The following DMD variants were observed in gnomAD, a reference collection of about 807,000 sequenced individuals.
DMD encodes the protein dystrophin, also known as mutant dystrophin.
In DMD, 63 loss-of-function variants were observed where a neutral mutation model predicts 330.1. The observed-to-expected ratio is 0.19, with a 90% confidence interval of 0.16 to 0.24. The LOEUF (loss-of-function observed/expected upper bound fraction) is 0.24. DMD is among the 10% of genes least tolerant of loss of function. The pLI is 1.00. For missense variants in DMD, 3,344 were observed against 2,684.1 expected (o/e 1.25, Z -5.43); for synonymous variants, 1,223 against 959.8 (o/e 1.27, Z -5.07).
At chrX:32,695,750 A>G (rs959357909) in intron 9 of DMD, among the ~76,000 whole-genome samples, 22 of 112,012 alleles carry the variant, frequency 2.0e-4, no homozygotes, top group Non-Finnish European at 3.9e-4. Context: ...GATTGAAGCC[A>G]GGTTATTAAA....
chrX:32,464,839 A>G, intron 23 of DMD, 140 bp from the exon 24 acceptor site: 1 of 499,695 alleles, frequency 2.0e-6, no homozygotes, highest in Non-Finnish European at 3.6e-6. Context: ...TGAGGCAAAG[A>G]ATATTTTTAC....
Position 31,297,921 on chromosome X carries a change from C to T in DMD, c.9224+25677G>A, listed in dbSNP as rs757225992. On this transcript the variant is annotated intron_variant, in intron 62 of 78. Coordinates refer to ENST00000357033, the MANE Select transcript of DMD (RefSeq NM_004006.3). ...TCAATACCACAGAATCACTGGGTTA[C>T]AGCCCATTGGCTGAGTAGTTCAAGT... Among the ~76,000 whole-genome samples the T allele has an allele frequency of 6.2e-5, 7 of 112,415 alleles. No homozygotes were observed. In the South Asian group the frequency reaches 2.6e-3, roughly 42 times the overall value.
Position 31,368,545 on chromosome X carries a change from T to G in DMD, c.9085-19911A>C, listed in dbSNP as rs2059379724. Among the ~76,000 whole-genome samples, 3 of 112,056 alleles carry G rather than the reference T, an allele frequency of 2.7e-5. No homozygotes were observed. In the South Asian group the frequency reaches 1.1e-3, roughly 42 times the overall value. ...CTATATCCAGATTTGTTTTCTTCTG[T>G]ACACTTCTCAACAGTTCCAGAGAAT... On this transcript the variant is annotated intron_variant, in intron 60 of 78. Transcript: ENST00000357033.
At chrX:31,352,023 T>C (rs191287837) in intron 60 of DMD, among the ~76,000 whole-genome samples, 2 of 111,006 alleles carry the variant, frequency 1.8e-5, no homozygotes, top group East Asian at 2.8e-4. Flanking sequence ...TGCTCTTAAC[T>C]GCTATCCTGA....
At chrX:31,912,347 C>T (rs7877862) in intron 47 of DMD, among the ~76,000 whole-genome samples, 26,442 of 110,265 alleles carry the variant, frequency 0.24, 3,176 homozygotes, top group African/African-American at 0.46. Context: ...TTGAATGAAT[C>T]GGGCTAGGAA....
chrX:32,932,771 A>G (rs16990767), intron 2 of DMD, among the ~76,000 whole-genome samples: 1,683 of 111,656 alleles, frequency 0.015, 35 homozygotes, highest in African/African-American at 0.052. Context: ...TCTGACTACC[A>G]GTTTCAGGGT....
rs192005246 is a variant in DMD, at chrX:32,520,982, G to A, written c.2169-2851C>T. Among the ~76,000 whole-genome samples, 206 of 110,022 alleles carry A rather than the reference G, an allele frequency of 1.9e-3. 1 individual carries two copies. The highest frequency in any genetic ancestry group is 6.6e-3 in the African/African-American group (198 of 30,174). Reference sequence around the variant, plus strand: ...TGTTCCCTACCTTACAGAAACAAGTGCAATTATCAGAGTAGAACTTCTTTC... The same window carrying A: ...TGTTCCCTACCTTACAGAAACAAGTACAATTATCAGAGTAGAACTTCTTTC... On this transcript the variant is annotated intron_variant, in intron 17 of 78. Transcript: ENST00000357033.
intron 44 of DMD, among the ~76,000 whole-genome samples, chrX:32,144,150 C>A (rs1173598116): frequency 5.4e-5 from 6 of 111,680 alleles, no homozygotes; most frequent in Non-Finnish European, 1.1e-4. Flanking sequence ...ATAGAAGATG[C>A]CGCAACTGAT....
rs1338853267 is a variant in DMD, at chrX:33,281,342, G to T, written c.7+57917C>A. On this transcript the variant is annotated intron_variant, in intron 1 of 17. Transcript: ENST00000288447. Reference sequence around the variant, plus strand: ...TCATGCCTCAGCCTCCTGAGTAGCTGGGATTACAGGCACACACCATCATGC... The same window carrying T: ...TCATGCCTCAGCCTCCTGAGTAGCTTGGATTACAGGCACACACCATCATGC... Among the ~76,000 whole-genome samples the T allele has an allele frequency of 2.7e-5, 3 of 109,160 alleles. No individual in the cohort carries two copies. The East Asian group carries it at 8.8e-4, about 32-fold the overall frequency. The allele number at this position is 109,160 out of a possible 115,157, so 94.8% of individuals were successfully genotyped here.
In DMD at chrX:33,164,605, A is replaced by T. The variant is rs2048963475; in HGVS notation, c.31+46677T>A. Among the ~76,000 whole-genome samples, 5 of 112,392 alleles carry T rather than the reference A, an allele frequency of 4.4e-5. No individual in the cohort carries two copies. The South Asian group carries it at 1.8e-3, about 41-fold the overall frequency. ...TCATTTTAGGAGTCATTATTACTAC[A>T]CTACTTTCACAGCATACCTTTAATC... On this transcript the variant is annotated intron_variant, in intron 1 of 78. Coordinates refer to ENST00000357033, the MANE Select transcript of DMD (RefSeq NM_004006.3).
At chrX:32,995,631 C>T (rs908177239) in intron 2 of DMD, among the ~76,000 whole-genome samples, 5 of 111,905 alleles carry the variant, frequency 4.5e-5, no homozygotes, top group Non-Finnish European at 9.4e-5. Flanking sequence ...GGATCCTGTA[C>T]CCTGAGATAG....
chrX:32,995,194 C>A (rs1009563273), intron 2 of DMD, among the ~76,000 whole-genome samples: 1 of 112,436 alleles, frequency 8.9e-6, no homozygotes, highest in Non-Finnish European at 1.9e-5. Context: ...TAAAGGCTAG[C>A]CATCTGTATG....
At chrX:31,505,358 G>C (rs920494449) in intron 56 of DMD, among the ~76,000 whole-genome samples, 1 of 111,150 alleles carries the variant, frequency 9.0e-6, no homozygotes, top group Non-Finnish European at 1.9e-5. Flanking sequence ...AGGGAGATAA[G>C]GAACAATGTC....
intron 1 of DMD, among the ~76,000 whole-genome samples, chrX:33,185,227 C>G (rs2050198135): frequency 9.0e-6 from 1 of 111,099 alleles, no homozygotes. Flanking sequence ...GTTATTGTAT[C>G]TCTACAAAAA....
intron 29 of DMD, among the ~76,000 whole-genome samples, chrX:32,416,974 A>G (rs1237949143): frequency 1.8e-5 from 2 of 111,948 alleles, no homozygotes; most frequent in African/African-American, 3.3e-5. Flanking sequence ...AATTTGTTCA[A>G]GTGCCAAGTA....
At chrX:32,420,124 T>A (rs1212866155) in intron 29 of DMD, among the ~76,000 whole-genome samples, 1 of 112,064 alleles carries the variant, frequency 8.9e-6, no homozygotes, top group Non-Finnish European at 1.9e-5. Context: ...GGAGCCACCC[T>A]AAGTCAGTGA....
chrX:31,139,731 A>G (rs1437819312), intron 76 of DMD, among the ~76,000 whole-genome samples: 1 of 110,509 alleles, frequency 9.0e-6, no homozygotes, highest in Non-Finnish European at 1.9e-5. Context: ...GGTGAAGGAT[A>G]AAAGACTACA....
intron 2 of DMD, among the ~76,000 whole-genome samples, chrX:32,978,102 T>C (rs950966709): frequency 2.5e-4 from 6 of 24,329 alleles, no homozygotes. Flanking sequence ...AAGAGAAAAG[T>C]CTTCTTCAGT....
At chrX:31,898,530 A>G (rs1259549872) in intron 47 of DMD, among the ~76,000 whole-genome samples, 2 of 111,766 alleles carry the variant, frequency 1.8e-5, no homozygotes, top group Non-Finnish European at 3.8e-5. Context: ...AGGATTCCCT[A>G]TTTAATAAAC....
Sources: allele counts gnomAD v4.1 joint callset (sites outside exome capture counted in the v4.1 genomes callset), GRCh38; gene constraint gnomAD v4.1.1; transcripts MANE v1.5; gene names NCBI Gene and HGNC (gene_info 2026-07-23, HGNC 2026-07-21).